Variants in CDC20B observed in about 807,000 individuals in gnomAD.
CDC20B encodes cell division cycle 20B.
In CDC20B, 58 loss-of-function variants were observed where a neutral mutation model predicts 64.1. The ratio of observed to expected loss-of-function variants is 0.90; its 90% CI spans 0.73 to 1.13. The LOEUF (loss-of-function observed/expected upper bound fraction) is 1.13. Among genes scored for constraint, CDC20B ranks in the 50% most tolerant of loss-of-function variants. The pLI is 0.00. For missense variants in CDC20B, 597 were observed against 633.0 expected (o/e 0.94, Z 0.61); for synonymous variants, 243 against 230.6 (o/e 1.05, Z -0.49).
chr5:55,156,877 AAAT>A (rs1476041811), intron 2 of CDC20B, among the ~76,000 whole-genome samples: 1 of 152,304 alleles, frequency 6.6e-6, no homozygotes, highest in East Asian at 1.9e-4. Context: ...CTGTCTCAAA[AAAT>A]AATAATAATA....
intron 5 of CDC20B, chr5:55,135,808 A>G (rs1016485200): frequency 9.5e-6 from 1 of 104,784 alleles, no homozygotes; most frequent in Admixed American, 1.1e-4. Context: ...GTATTAGTGT[A>G]TTCTATATGT....
chr5:55,156,265 G>A (rs1184067055), intron 2 of CDC20B, among the ~76,000 whole-genome samples: 2 of 152,224 alleles, frequency 1.3e-5, no homozygotes, highest in East Asian at 3.9e-4. Flanking sequence ...TTCATATGTG[G>A]GGATTATTAC....
chr5:55,144,592 A>G (rs1299721916), intron 3 of CDC20B, among the ~76,000 whole-genome samples: 1 of 152,238 alleles, frequency 6.6e-6, no homozygotes, highest in African/African-American at 2.4e-5. Context: ...AAGGATAAAA[A>G]TATGAAATGC....
chr5:55,128,237 C>T (rs1015548329), intron 7 of CDC20B, among the ~76,000 whole-genome samples, 184 bp downstream of exon 7: 5 of 144,446 alleles, frequency 3.5e-5, no homozygotes, highest in African/African-American at 7.7e-5. Flanking sequence ...AGTATCCTTA[C>T]GTTTTCATTA....
intron 2 of CDC20B, among the ~76,000 whole-genome samples, chr5:55,150,145 A>G (rs1032145108): frequency 2.6e-5 from 4 of 152,200 alleles, no homozygotes; most frequent in Non-Finnish European, 5.9e-5. Context: ...AAAAATAAAT[A>G]AAAAATTAAA....
chr5:55,149,265 G>T (rs550100886), intron 2 of CDC20B, among the ~76,000 whole-genome samples: 2 of 152,314 alleles, frequency 1.3e-5, no homozygotes, highest in South Asian at 4.1e-4. Context: ...TACATTGCAA[G>T]TGTACAGAAT....
Position 55,114,559 on chromosome 5 carries a change from C to T in CDC20B, c.1460-241G>A, listed in dbSNP as rs1472644450. ...TATCAGTGTCCTGTGGCTGCCATAA[C>T]AAATTACCACCCATTGGGTGGCTTA... On this transcript the variant is annotated intron_variant, in intron 11 of 11. Coordinates refer to ENST00000381375, the MANE Select transcript of CDC20B (RefSeq NM_001170402.1). The surrounding 1 kb of genome is among the most constrained non-coding windows in gnomAD (Gnocchi z 4.1). Among the ~76,000 whole-genome samples the T allele has an allele frequency of 6.6e-6, 1 of 152,204 alleles. No homozygotes were observed. The highest frequency in any genetic ancestry group is 2.4e-5 in the African/African-American group (1 of 41,458).
rs1742579931 is a variant in CDC20B, at chr5:55,114,481, AC to A, written c.1460-164del. Among the ~76,000 whole-genome samples the A allele has an allele frequency of 6.6e-6, 1 of 152,220 alleles. No homozygotes were observed. The highest frequency in any genetic ancestry group is 2.4e-5 in the African/African-American group (1 of 41,452). On this transcript the variant is annotated intron_variant, in intron 11 of 11. Coordinates refer to ENST00000381375, the MANE Select transcript of CDC20B (RefSeq NM_001170402.1). This position sits in a 1 kb window ranked among gnomAD's most constrained non-coding sequence, Gnocchi z 4.1. The stretch of plus-strand genomic sequence containing the variant: ...GCCACCAACTGAGCCATGCTGGGAG[AC>A]AGCAGTCAGGGCCGACTGGGACAGT...
chr5:55,121,626 G>C (rs1260001449), intron 9 of CDC20B, among the ~76,000 whole-genome samples: 1 of 151,932 alleles, frequency 6.6e-6, no homozygotes, highest in Non-Finnish European at 1.5e-5. Flanking sequence ...TAAATTCCAA[G>C]GTTCAAAAGA....
chr5:55,161,346 G>C (rs1481707314), intron 2 of CDC20B: 2 of 1,235,076 alleles, frequency 1.6e-6, no homozygotes, highest in Admixed American at 4.3e-5. Context: ...CATTTGAAAC[G>C]TTGTATCGGG....
chr5:55,136,279 G>A (rs993580514), intron 5 of CDC20B, among the ~76,000 whole-genome samples: 2 of 151,656 alleles, frequency 1.3e-5, no homozygotes, highest in African/African-American at 2.4e-5. Context: ...ATTGGGACAC[G>A]GCAGGTGCAG....
chr5:55,148,792 C>T (rs1219544199), intron 2 of CDC20B, among the ~76,000 whole-genome samples: 4 of 152,298 alleles, frequency 2.6e-5, no homozygotes, highest in Admixed American at 6.5e-5. Flanking sequence ...TGTATGAAAC[C>T]ATATGTACAG....
At chr5:55,169,744 T>C (rs1017021471) in intron 2 of CDC20B, among the ~76,000 whole-genome samples, 3 of 152,218 alleles carry the variant, frequency 2.0e-5, no homozygotes, top group African/African-American at 7.2e-5. Flanking sequence ...TCTGGAAAAT[T>C]ACCTCAACTT....
At position 55,146,703 on chromosome 5, in the gene CDC20B, G is replaced by C. The variant is rs181598185; in HGVS notation, c.280C>G (p.Gln94Glu). ...ALSSDSFGEE[Q>E]STTYLPEASG... The stretch of plus-strand genomic sequence containing the variant: ...GCTTCTGGGAGGTAGGTGGTTGACT[G>C]CTCTTCCCCAAAGGAATCAGAGGAC... Residue 94 changes from glutamine to glutamate, a missense_variant, in exon 3 of 12, where the codon CAG (glutamine) becomes GAG (glutamate). Gln to Glu is a conservative substitution (Grantham distance 29, BLOSUM62 2). Coordinates refer to ENST00000381375, the MANE Select transcript of CDC20B (RefSeq NM_001170402.1). The C allele has an allele frequency of 2.5e-6, 4 of 1,614,172 alleles. No homozygotes were observed. The Admixed American group carries it at 6.7e-5, about 27-fold the overall frequency.
At chr5:55,161,897 G>T (rs1744085001) in intron 2 of CDC20B, among the ~76,000 whole-genome samples, 1 of 152,090 alleles carries the variant, frequency 6.6e-6, no homozygotes, top group Non-Finnish European at 1.5e-5. Flanking sequence ...CAAGCTACCT[G>T]GGTTCAAACC....
intron 2 of CDC20B, among the ~76,000 whole-genome samples, chr5:55,162,352 G>A (rs762514200): frequency 1.6e-4 from 24 of 152,102 alleles, no homozygotes; most frequent in African/African-American, 3.6e-4. Flanking sequence ...CTGAAATCGC[G>A]CTACTGCACT....
chr5:55,150,255 T>C (rs1402682294), intron 2 of CDC20B, among the ~76,000 whole-genome samples: 2 of 152,236 alleles, frequency 1.3e-5, no homozygotes, highest in Non-Finnish European at 2.9e-5. Flanking sequence ...TGCAAATGCT[T>C]ACAATATATT....
rs766147454 is a variant in CDC20B at position 55,146,714 on chromosome 5, A to G, written c.269T>C (p.Phe90Ser). ...GTAGGTGGTTGACTGCTCTTCCCCA[A>G]AGGAATCAGAGGACAGAGCCCTAGT... The part of the protein sequence containing the change: ...SQTRALSSDS[F>S]GEEQSTTYLP... The change falls in exon 3 of 12, where the codon TTT (phenylalanine) becomes TCT (serine). Residue 90 changes from phenylalanine to serine, a missense_variant. This residue lies in a region of CDC20B where 241 missense variants were observed against 219.2 expected (regional missense o/e 1.10). Coordinates refer to ENST00000381375, the MANE Select transcript of CDC20B (RefSeq NM_001170402.1). 9 of 1,613,974 alleles carry G rather than the reference A, an allele frequency of 5.6e-6. No homozygotes were observed. The highest frequency in any genetic ancestry group is 2.7e-5 in the African/African-American group (2 of 74,882).
Position 55,133,330 on chromosome 5 carries a change from A to C in CDC20B, c.697+82T>G, listed in dbSNP as rs937195176. On this transcript the variant is annotated intron_variant, in intron 6 of 11. Coordinates refer to ENST00000381375, the MANE Select transcript of CDC20B (RefSeq NM_001170402.1). Reference sequence around the variant, plus strand: ...ATGAGACATAAAGGCCATCTGGTTTAATCAAATTTCAAGTTTATACCAGAG... The same window carrying C: ...ATGAGACATAAAGGCCATCTGGTTTCATCAAATTTCAAGTTTATACCAGAG... 1.8e-5 allele frequency: 11 copies of C among 618,380 alleles called. 1 individual carries two copies. In the African/African-American group the frequency reaches 2.0e-4, roughly 11 times the overall value. The allele number at this position is 618,380 out of a possible 1,614,324, so 38.3% of individuals were successfully genotyped here. A position where few individuals can be genotyped will look rare whatever the true frequency, so the allele number is the denominator to read the frequency against.
Sources: allele counts gnomAD v4.1 joint callset (sites outside exome capture counted in the v4.1 genomes callset), GRCh38; gene constraint gnomAD v4.1.1; regional missense constraint gnomAD v4.1.1; non-coding constraint Gnocchi (gnomAD v3.1); transcripts MANE v1.5; gene names NCBI Gene and HGNC (gene_info 2026-07-23, HGNC 2026-07-21).